PPFIA1: variants seen among roughly 807,000 people sequenced by gnomAD.
PPFIA1 encodes PPFI scaffold protein A1, also known as liprin-alpha-1.
A neutral mutation model predicts 149.9 loss-of-function variants in PPFIA1; 25 were observed. The ratio of observed to expected loss-of-function variants is 0.17; its 90% CI spans 0.12 to 0.23. PPFIA1 has a LOEUF of 0.23. Ranked by LOEUF, PPFIA1 falls within the 10% of genes least tolerant of loss-of-function variation. The pLI, the probability that PPFIA1 is intolerant of heterozygous loss-of-function variation, is 1.00. For missense variants in PPFIA1, 1,362 were observed against 1,506.5 expected, an observed-to-expected ratio of 0.90 and a Z score of 1.59; for synonymous variants, 549 against 552.8, an observed-to-expected ratio of 0.99 and a Z score of 0.10.
intron 26 of PPFIA1, among the ~76,000 whole-genome samples, chr11:70,381,843 G>A (rs2057726265): frequency 6.6e-6 from 1 of 152,166 alleles, no homozygotes; most frequent in Admixed American, 6.5e-5. Flanking sequence ...GTACCATTTG[G>A]TGCTTGGTAT....
intron 2 of PPFIA1, among the ~76,000 whole-genome samples, chr11:70,294,765 A>G (rs1362144827): frequency 2.0e-5 from 3 of 151,916 alleles, no homozygotes; most frequent in South Asian, 2.1e-4. Context: ...CTTAACGAGC[A>G]TGCTGCCTTC....
intron 27 of PPFIA1, 140 bp downstream of exon 27, chr11:70,382,298 C>T: frequency 1.9e-6 from 1 of 535,366 alleles, no homozygotes; most frequent in East Asian, 2.8e-5. Context: ...TAGACACAAG[C>T]TCTCCGTACC....
rs187769483 is a variant in PPFIA1, at chr11:70,328,876, T to G, written c.931-1297T>G. On this transcript the variant is annotated intron_variant, in intron 7 of 27. Transcript: ENST00000253925. Reference sequence around the variant, plus strand: ...TTGTAATATTTAGACTTTGCTAACTTTAGTCATTTTATAAATAGGGAACAA... The same window carrying G: ...TTGTAATATTTAGACTTTGCTAACTGTAGTCATTTTATAAATAGGGAACAA... Among the ~76,000 whole-genome samples, 297 of 152,308 alleles carry G rather than the reference T, an allele frequency of 1.9e-3. 3 individuals are homozygous for G. Among genetic ancestry groups the G allele is most frequent in the African/African-American group, 6.9e-3 (286 of 41,562 alleles).
intron 2 of PPFIA1, among the ~76,000 whole-genome samples, chr11:70,315,145 C>G (rs2053526322): frequency 6.6e-6 from 1 of 152,170 alleles, no homozygotes; most frequent in Non-Finnish European, 1.5e-5. Context: ...GGTGGCTTCA[C>G]AGCCGTATCA....
chr11:70,282,518 ATTTTTTTT>A (rs869216935), intron 2 of PPFIA1: 16 of 71,464 alleles, frequency 2.2e-4, no homozygotes, highest in East Asian at 3.6e-4. Flanking sequence ...TTGAGTGCTG[ATTTTTTTT>A]TTTTTTTTTT....
At chr11:70,333,991 A>G (rs548213501) in intron 10 of PPFIA1, among the ~76,000 whole-genome samples, 1 of 152,162 alleles carries the variant, frequency 6.6e-6, no homozygotes, top group Non-Finnish European at 1.5e-5. Flanking sequence ...CCTCTGTCCC[A>G]GGTTAAAATA....
intron 11 of PPFIA1, 107 bp from the exon 12 acceptor site, chr11:70,337,258 C>T (rs2055037761): frequency 1.3e-6 from 1 of 742,310 alleles, no homozygotes; most frequent in Non-Finnish European, 2.1e-6. Context: ...TGCTCTTTTA[C>T]TCCGTTCCCT....
intron 2 of PPFIA1, among the ~76,000 whole-genome samples, chr11:70,281,925 C>T (rs1467950447): frequency 2.0e-5 from 3 of 152,196 alleles, no homozygotes; most frequent in South Asian, 2.1e-4. Flanking sequence ...CTGAAGCGGG[C>T]GTGCTCTCTC....
At chr11:70,307,504 C>CT (rs1410279266) in intron 2 of PPFIA1, among the ~76,000 whole-genome samples, 1 of 152,100 alleles carries the variant, frequency 6.6e-6, no homozygotes, top group African/African-American at 2.4e-5. Flanking sequence ...AAAGGCACAA[C>CT]TTTAGTTACC....
At chr11:70,280,755 G>T (rs1461770956) in intron 2 of PPFIA1, among the ~76,000 whole-genome samples, 2 of 152,104 alleles carry the variant, frequency 1.3e-5, no homozygotes, top group Non-Finnish European at 2.9e-5. Flanking sequence ...TTTTGTAGAG[G>T]CAGGGTCTTG....
Position 70,381,552 on chromosome 11 carries a change from A to G in PPFIA1, c.3551-536A>G, listed in dbSNP as rs556192759. ...CCTGCTCTGCTCCTCCCCAGGAGAA[A>G]AGGGCACCGGCTTCCCAGACACCCA... On this transcript the variant is annotated intron_variant, in intron 26 of 27. Transcript: ENST00000253925. Among the ~76,000 whole-genome samples the G allele has an allele frequency of 7.9e-5, 12 of 152,242 alleles. No individual in the cohort carries two copies. In the South Asian group the frequency reaches 2.5e-3, roughly 32 times the overall value.
rs201206907 is a variant in PPFIA1, at chr11:70,378,319, TG to T, written c.3550+125del. The T allele has an allele frequency of 3.3e-5, 45 of 1,364,620 alleles. No individual in the cohort carries two copies. The East Asian group carries it at 1.2e-3, about 35-fold the overall frequency. 84.5% of individuals were successfully genotyped at this position (1,364,620 alleles called of 1,614,324 possible). A position where few individuals can be genotyped will look rare whatever the true frequency, so the allele number is the denominator to read the frequency against. Reference sequence around the variant, plus strand: ...TACAAGGCACTTGAGTATGGTTGCATGTCCAAATATAAATGTTTTTAAATTA... The same window carrying T: ...TACAAGGCACTTGAGTATGGTTGCATTCCAAATATAAATGTTTTTAAATTA... On this transcript the variant is annotated intron_variant, in intron 26 of 27. Transcript: ENST00000253925.
rs1471404364 is a variant in PPFIA1 at position 70,362,445 on chromosome 11, T to G, written c.2822T>G (p.Ile941Ser). The G allele has an allele frequency of 6.2e-6, 10 of 1,613,984 alleles. No homozygotes were observed. Among genetic ancestry groups the G allele is most frequent in the Non-Finnish European group, 7.6e-6 (9 of 1,180,012 alleles). Residue 941 changes from isoleucine (I) to serine (S), a missense_variant, in exon 21 of 28, where the codon ATC becomes AGC. Coordinates refer to ENST00000253925, the MANE Select transcript of PPFIA1 (RefSeq NM_003626.5). ...RLKLRLAIQE[I>S]MSLTSPSAPP... Reference sequence around the variant, plus strand: ...AAGCTGAGGCTGGCCATCCAGGAGATCATGTCGCTGACCAGCCCGTCTGCC... The same window carrying G: ...AAGCTGAGGCTGGCCATCCAGGAGAGCATGTCGCTGACCAGCCCGTCTGCC...
chr11:70,354,954 T>G (rs1009041284), intron 17 of PPFIA1, among the ~76,000 whole-genome samples: 4 of 152,122 alleles, frequency 2.6e-5, no homozygotes, highest in Non-Finnish European at 5.9e-5. Flanking sequence ...TTTTTCTTTT[T>G]GAGATAGAGT....
At chr11:70,336,505 C>CAAAA (rs10640266) in intron 11 of PPFIA1, among the ~76,000 whole-genome samples, 10 of 123,180 alleles carry the variant, frequency 8.1e-5, no homozygotes, top group Admixed American at 4.1e-4. Context: ...GATCCTGTTT[C>CAAAA]AAAAAAAAAA....
intron 2 of PPFIA1, among the ~76,000 whole-genome samples, chr11:70,290,859 G>C (rs1407240783): frequency 6.6e-6 from 1 of 152,150 alleles, no homozygotes; most frequent in Non-Finnish European, 1.5e-5. Flanking sequence ...TACTTGAGAT[G>C]AATCAGTGTT....
chr11:70,305,231 G>C (rs1196525734), intron 2 of PPFIA1, among the ~76,000 whole-genome samples: 1 of 152,172 alleles, frequency 6.6e-6, no homozygotes, highest in African/African-American at 2.4e-5. Flanking sequence ...AAAAAGGGGA[G>C]AAAACATAGG....
intron 8 of PPFIA1, among the ~76,000 whole-genome samples, chr11:70,330,609 G>A (rs558129347): frequency 6.6e-6 from 1 of 152,302 alleles, no homozygotes; most frequent in Admixed American, 6.5e-5. Context: ...GAACTTCAAG[G>A]CAATTGGCTA....
In PPFIA1 at chr11:70,332,178, T is replaced by C. The variant is rs2054707009; in HGVS notation, c.1212+84T>C. ...TGTACCTTGTTTGTCACTGTTCTTA[T>C]TACATCAGCACCTAAATCCGTGGAA... On this transcript the variant is annotated intron_variant, in intron 9 of 27. Coordinates refer to ENST00000253925, the MANE Select transcript of PPFIA1 (RefSeq NM_003626.5). 3.5e-6 allele frequency: 5 copies of C among 1,445,948 alleles called. No homozygotes were observed. In the South Asian group the frequency reaches 7.4e-5, roughly 21 times the overall value. 89.6% of individuals were successfully genotyped at this position (1,445,948 alleles called of 1,614,324 possible).
Sources: allele counts gnomAD v4.1 joint callset (sites outside exome capture counted in the v4.1 genomes callset), GRCh38; gene constraint gnomAD v4.1.1; transcripts MANE v1.5; gene names NCBI Gene and HGNC (gene_info 2026-07-23, HGNC 2026-07-21).